The following BICD2 variants were observed in gnomAD, a reference collection of about 807,000 sequenced individuals.
The protein encoded by BICD2 is BICD cargo adaptor 2.
BICD2 carries 25 observed loss-of-function variants against 72.9 expected under a neutral mutation model. The observed-to-expected ratio is 0.34, with a 90% CI of 0.25 to 0.48. BICD2 has a LOEUF of 0.48. Among genes scored for constraint, BICD2 ranks in the 20% least tolerant of loss-of-function variants. The probability of loss-of-function intolerance (pLI) is 0.99; values close to 1 mark genes in which losing one functional copy is unlikely to be tolerated. For missense variants in BICD2, 894 were observed against 1,175.2 expected (o/e 0.76, Z 3.50); for synonymous variants, 501 against 516.1 (o/e 0.97, Z 0.40).
In BICD2 at chr9:92,720,411, G is replaced by T; in HGVS notation, c.951C>A (p.Thr317=). The part of the protein sequence containing the change: ...GLAKLPLDNK[T]STPKKEGLAP... The stretch of plus-strand genomic sequence containing the variant: ...CGAGGCCCTCCTTCTTGGGCGTGGA[G>T]GTCTTGTTGTCCAGTGGCAGCTTGG... The change falls in exon 4 of 7, where the codon ACC becomes ACA. Residue 317 remains threonine, a synonymous_variant. Coordinates refer to ENST00000356884, the MANE Select transcript of BICD2 (RefSeq NM_001003800.2). The surrounding 1 kb of genome is among the most constrained non-coding windows in gnomAD (Gnocchi z 5.4). The T allele has an allele frequency of 6.2e-7, 1 of 1,614,194 alleles. No individual in the cohort carries two copies. The highest frequency in any genetic ancestry group is 1.1e-5 in the South Asian group (1 of 91,086).
Position 92,713,410 on chromosome 9 carries a change from C to A in BICD2, c.*1744G>T, listed in dbSNP as rs1230214084. The A allele has an allele frequency of 6.4e-7, 1 of 1,567,498 alleles. No individual in the cohort carries two copies. Among genetic ancestry groups the A allele is most frequent in the Non-Finnish European group, 8.7e-7 (1 of 1,151,810 alleles). On this transcript the variant is annotated 3_prime_UTR_variant, in exon 7 of 7. Coordinates refer to ENST00000356884, the MANE Select transcript of BICD2 (RefSeq NM_001003800.2). Reference sequence around the variant, plus strand: ...GGCCACGAGAGGGAAGGGGAAGGGGCTGCAGTGTGACAGGGCCGGGTGGCC... The same window carrying A: ...GGCCACGAGAGGGAAGGGGAAGGGGATGCAGTGTGACAGGGCCGGGTGGCC...
chr9:92,713,977 G>T lies in BICD2; in HGVS notation c.*1177C>A. On this transcript the variant is annotated 3_prime_UTR_variant, in exon 7 of 7. Transcript: ENST00000356884. ...GTCCAGCTGGTCCCACAGGGTGATC[G>T]GGAAAAAAGTACTGAGAAAAGTTCT... 2.0e-6 allele frequency: 2 copies of T among 987,704 alleles called. No individual in the cohort carries two copies. Among genetic ancestry groups the T allele is most frequent in the Non-Finnish European group, 2.4e-6 (2 of 831,310 alleles). 61.2% of individuals were successfully genotyped at this position (987,704 alleles called of 1,614,324 possible). A position where few individuals can be genotyped will look rare whatever the true frequency, so the allele number is the denominator to read the frequency against.
At chr9:92,744,734 A>G (rs1166657253) in intron 1 of BICD2, among the ~76,000 whole-genome samples, 1 of 152,038 alleles carries the variant, frequency 6.6e-6, no homozygotes, top group Non-Finnish European at 1.5e-5. Flanking sequence ...CCAGCTACTC[A>G]GGAGGCTGAG....
In BICD2 at chr9:92,719,319, A is replaced by G; in HGVS notation, c.1326T>C (p.Ala442=). The stretch of plus-strand genomic sequence containing the variant: ...CGCGGAGCTCGCCAGCCTCAGCCAC[A>G]GCCACATGGTACTTGCAGGCCAAGA... The part of the protein sequence containing the change: ...PEILACKYHV[A]VAEAGELREQ... Residue 442 remains alanine, a synonymous_variant, in exon 5 of 7, where the codon GCT becomes GCC. Coordinates refer to ENST00000356884, the MANE Select transcript of BICD2 (RefSeq NM_001003800.2). 2.5e-6 allele frequency: 4 copies of G among 1,614,152 alleles called. No individual in the cohort carries two copies. Among genetic ancestry groups the G allele is most frequent in the Non-Finnish European group, 3.4e-6 (4 of 1,180,028 alleles).
Position 92,713,620 on chromosome 9 carries a change from C to T in BICD2, c.*1534G>A. ...GCAGGGGTCCCAGTGGCTTGGGTGT[C>T]TGCAAAGTCCCTTAGGAGTATGGAG... On this transcript the variant is annotated 3_prime_UTR_variant, in exon 7 of 7. Transcript: ENST00000356884. 6.6e-7 allele frequency: 1 copy of T among 1,511,906 alleles called. No homozygotes were observed. Among genetic ancestry groups the T allele is most frequent in the Non-Finnish European group, 8.9e-7 (1 of 1,124,576 alleles). The allele number at this position is 1,511,906 out of a possible 1,614,324, so 93.7% of individuals were successfully genotyped here.
chr9:92,717,726 A>C, intron 6 of BICD2, 71 bp downstream of exon 6: 1 of 1,494,820 alleles, frequency 6.7e-7, no homozygotes, highest in Non-Finnish European at 8.9e-7. Flanking sequence ...TGAGAGGCTA[A>C]GGGTTCCAGA....
chr9:92,762,748 A>T (rs1388832159), intron 1 of BICD2, among the ~76,000 whole-genome samples: 1 of 152,232 alleles, frequency 6.6e-6, no homozygotes, highest in Admixed American at 6.5e-5. Context: ...CTCACAGAGG[A>T]CACTGCCAAA....
intron 1 of BICD2, among the ~76,000 whole-genome samples, chr9:92,761,177 C>T (rs933858808): frequency 6.6e-6 from 1 of 152,134 alleles, no homozygotes; most frequent in Admixed American, 6.5e-5. Context: ...CAGTCCCAAG[C>T]CAGGCTGTAG....
Position 92,722,768 on chromosome 9 carries a change from T to C in BICD2, c.494A>G (p.Asp165Gly). ...NVEIQRGRLR[D>G]DIKEYKFREA... ...CCGGAATTTGTACTCCTTGATGTCA[T>C]CCCGCAGGCGGCCACGCTGGATCTC... is the stretch of plus-strand genomic sequence containing the variant. The change falls in exon 3 of 7, where the codon GAT becomes GGT. Residue 165 changes from aspartate to glycine, a missense_variant. By Grantham distance (94) the Asp-to-Gly change is moderately conservative. This residue lies in a region of BICD2 where 192 missense variants were observed against 243.6 expected (regional missense o/e 0.79). Coordinates refer to ENST00000356884, the MANE Select transcript of BICD2 (RefSeq NM_001003800.2). The C allele has an allele frequency of 6.2e-7, 1 of 1,613,488 alleles. No homozygotes were observed. The highest frequency in any genetic ancestry group is 8.5e-7 in the Non-Finnish European group (1 of 1,179,814).
At chr9:92,747,123 C>T (rs1477590762) in intron 1 of BICD2, among the ~76,000 whole-genome samples, 3 of 152,204 alleles carry the variant, frequency 2.0e-5, no homozygotes, top group African/African-American at 4.8e-5. Context: ...ACTGGTGGCC[C>T]ACCAAGCTCC....
intron 1 of BICD2, among the ~76,000 whole-genome samples, chr9:92,754,005 C>T (rs1167928191): frequency 2.0e-5 from 3 of 151,676 alleles, no homozygotes; most frequent in Non-Finnish European, 4.4e-5. Flanking sequence ...ATTAGCCGGG[C>T]ATGGTGGCGG....
chr9:92,744,920 C>T (rs941141880), intron 1 of BICD2, among the ~76,000 whole-genome samples: 2 of 152,144 alleles, frequency 1.3e-5, no homozygotes, highest in Non-Finnish European at 2.9e-5. Flanking sequence ...AACATACACA[C>T]ATGCACTTAA....
In BICD2 at chr9:92,720,363, G is replaced by A. The variant is rs1451642473; in HGVS notation, c.999C>T (p.Val333=). ...TGTTGAGCTCACTGAGTAGGTCGGA[G>A]ACGAGGCTGGGGGAGGGCGGTGCGA... ...EGLAPPSPSL[V]SDLLSELNIS... The change falls in exon 4 of 7, where the codon GTC becomes GTT. Residue 333 remains valine (V), a synonymous_variant. Transcript: ENST00000356884. The surrounding 1 kb of genome is among the most constrained non-coding windows in gnomAD (Gnocchi z 5.4). 1 of 1,614,054 alleles carries A rather than the reference G, an allele frequency of 6.2e-7. No homozygotes were observed. Among genetic ancestry groups the A allele is most frequent in the Non-Finnish European group, 8.5e-7 (1 of 1,180,040 alleles).
rs1283617926 is a variant in BICD2, at chr9:92,714,162, T to A, written c.*992A>T. Reference sequence around the variant, plus strand: ...ATCCTGACAAGTGGCCCTGGCCCTATGCAAAGCTTTCCCAGCACCGGGCTG... The same window carrying A: ...ATCCTGACAAGTGGCCCTGGCCCTAAGCAAAGCTTTCCCAGCACCGGGCTG... On this transcript the variant is annotated 3_prime_UTR_variant, in exon 7 of 7. Coordinates refer to ENST00000356884, the MANE Select transcript of BICD2 (RefSeq NM_001003800.2). The A allele has an allele frequency of 2.0e-6, 2 of 985,444 alleles. No individual in the cohort carries two copies. Among genetic ancestry groups the A allele is most frequent in the Non-Finnish European group, 2.4e-6 (2 of 830,030 alleles). The allele number at this position is 985,444 out of a possible 1,614,324, so 61.0% of individuals were successfully genotyped here. A position where few individuals can be genotyped will look rare whatever the true frequency, so the allele number is the denominator to read the frequency against.
At position 92,720,848 on chromosome 9, in the gene BICD2, C is replaced by T. The variant is rs140844187; in HGVS notation, c.607-93G>A. ...AGAAAACACACCAGCACACCAACTC[C>T]GGCCACTATGAAGCAAAAGATGAAG... On this transcript the variant is annotated intron_variant, in intron 3 of 6. Coordinates refer to ENST00000356884, the MANE Select transcript of BICD2 (RefSeq NM_001003800.2). The surrounding 1 kb of genome is among the most constrained non-coding windows in gnomAD (Gnocchi z 5.4). The T allele has an allele frequency of 8.2e-5, 109 of 1,327,668 alleles. No homozygotes were observed. In the African/African-American group the frequency reaches 1.3e-3, roughly 15 times the overall value. 82.2% of individuals were successfully genotyped at this position (1,327,668 alleles called of 1,614,324 possible).
rs570762999 is a variant in BICD2, at chr9:92,714,975, G to A, written c.*179C>T. Reference sequence around the variant, plus strand: ...CTCCTGAGGGGGCTTTGAGGAGTGAGAAGCGACACAAAGCTCTCACAAGTG... The same window carrying A: ...CTCCTGAGGGGGCTTTGAGGAGTGAAAAGCGACACAAAGCTCTCACAAGTG... On this transcript the variant is annotated 3_prime_UTR_variant, in exon 7 of 7. Coordinates refer to ENST00000356884, the MANE Select transcript of BICD2 (RefSeq NM_001003800.2). The A allele has an allele frequency of 9.9e-4, 1,387 of 1,403,752 alleles. 2 individuals carry two copies. The highest frequency in any genetic ancestry group is 1.2e-3 in the Non-Finnish European group (1,254 of 1,082,192). 87.0% of individuals were successfully genotyped at this position (1,403,752 alleles called of 1,614,324 possible).
rs1192091604 is a variant in BICD2, at chr9:92,729,053, G to C, written c.424C>G (p.Leu142Val). The C allele has an allele frequency of 6.2e-7, 1 of 1,614,092 alleles. No individual in the cohort carries two copies. The highest frequency in any genetic ancestry group is 8.5e-7 in the Non-Finnish European group (1 of 1,180,040). ...TTCAGCTCCTGGGCCACAGAGGCCAGGCGCTCATTCTCCGACTGCGTGTTG... is the reference window on the plus strand; with the variant it reads ...TTCAGCTCCTGGGCCACAGAGGCCACGCGCTCATTCTCCGACTGCGTGTTG... Reference protein sequence around the residue: ...LTNTQSENERLASVAQELKEI... With the variant: ...LTNTQSENERVASVAQELKEI... Residue 142 changes from leucine to valine, a missense_variant, in exon 2 of 7, where the codon CTG becomes GTG. By Grantham distance (32) the Leu-to-Val change is conservative (BLOSUM62 1). This residue lies in a region of BICD2 where 192 missense variants were observed against 243.6 expected (regional missense o/e 0.79). Coordinates refer to ENST00000356884, the MANE Select transcript of BICD2 (RefSeq NM_001003800.2).
At chr9:92,729,377 C>A (rs1853635617) in intron 1 of BICD2, 141 bp from the exon 2 acceptor site, 2 of 864,170 alleles carry the variant, frequency 2.3e-6, no homozygotes, top group Admixed American at 2.5e-5. Context: ...GGCCCCCTGA[C>A]CTGGGAGGTG....
At chr9:92,729,290 A>C (rs1258194474) in intron 1 of BICD2, 54 bp from the exon 2 acceptor site, 2 of 1,576,340 alleles carry the variant, frequency 1.3e-6, no homozygotes, top group East Asian at 4.5e-5. Flanking sequence ...GCGCCGAAGG[A>C]TAGAGACCCA....
Sources: allele counts gnomAD v4.1 joint callset (sites outside exome capture counted in the v4.1 genomes callset), GRCh38; gene constraint gnomAD v4.1.1; regional missense constraint gnomAD v4.1.1; non-coding constraint Gnocchi (gnomAD v3.1); transcripts MANE v1.5; gene names NCBI Gene and HGNC (gene_info 2026-07-23, HGNC 2026-07-21).